The following PDZRN4 variants were observed in gnomAD, a reference collection of about 807,000 sequenced individuals.
The protein encoded by PDZRN4 is PDZ domain-containing RING finger protein 4.
In PDZRN4, 70 loss-of-function variants were observed where a neutral mutation model predicts 99.0. The ratio of observed to expected loss-of-function variants is 0.71; its 90% CI spans 0.58 to 0.86. The LOEUF is 0.86. PDZRN4 is among the 40% of genes least tolerant of loss of function. PDZRN4 has a pLI of 0.00. For synonymous variants in PDZRN4, 551 were observed against 501.6 expected, an observed-to-expected ratio of 1.10 and a Z score of -1.32; for missense variants, 1,474 against 1,331.2, an observed-to-expected ratio of 1.11 and a Z score of -1.67.
At chr12:41,306,059 A>G (rs1951567356) in intron 3 of PDZRN4, among the ~76,000 whole-genome samples, 1 of 152,188 alleles carries the variant, frequency 6.6e-6, no homozygotes, top group Non-Finnish European at 1.5e-5. Flanking sequence ...AAAAGGAAGA[A>G]TGGGTCCCAG....
chr12:41,256,139 T>G (rs1255655407), intron 3 of PDZRN4, among the ~76,000 whole-genome samples: 4 of 152,196 alleles, frequency 2.6e-5, no homozygotes, highest in Admixed American at 1.3e-4. Context: ...AAGGATAATT[T>G]TCAAAATAAA....
chr12:41,252,352 A>G (rs1350106535), intron 3 of PDZRN4, among the ~76,000 whole-genome samples: 1 of 152,186 alleles, frequency 6.6e-6, no homozygotes, highest in African/African-American at 2.4e-5. Flanking sequence ...AGTACTACTC[A>G]ACAACAAAAT....
At chr12:41,386,434 A>G (rs1324999442) in intron 3 of PDZRN4, among the ~76,000 whole-genome samples, 2 of 152,192 alleles carry the variant, frequency 1.3e-5, no homozygotes, top group African/African-American at 2.4e-5. Context: ...AAAGATCTCT[A>G]CAATGAGAAC....
intron 3 of PDZRN4, among the ~76,000 whole-genome samples, chr12:41,330,148 C>T (rs1427229416): frequency 6.6e-6 from 1 of 151,980 alleles, no homozygotes; most frequent in African/African-American, 2.4e-5. Context: ...TTTTATGCTT[C>T]CAAAATTAGC....
chr12:41,376,740 CACTT>C (rs1312644873), intron 3 of PDZRN4, among the ~76,000 whole-genome samples: 2 of 151,750 alleles, frequency 1.3e-5, no homozygotes, highest in African/African-American at 4.8e-5. Context: ...TGATATCGTC[CACTT>C]ACTTACTTTT....
At chr12:41,394,488 AG>A (rs776488091) in intron 3 of PDZRN4, among the ~76,000 whole-genome samples, 2 of 152,214 alleles carry the variant, frequency 1.3e-5, no homozygotes, top group Non-Finnish European at 2.9e-5. Flanking sequence ...AAAAGGTAGC[AG>A]CTTAAAACAC....
At chr12:41,215,344 T>G (rs748687121) in intron 3 of PDZRN4, among the ~76,000 whole-genome samples, 1 of 152,010 alleles carries the variant, frequency 6.6e-6, no homozygotes, top group African/African-American at 2.4e-5. Context: ...TTGAGGTACT[T>G]GTTAAAAACG....
At chr12:41,523,662 G>T (rs1166735195) in intron 5 of PDZRN4, among the ~76,000 whole-genome samples, 1 of 152,062 alleles carries the variant, frequency 6.6e-6, no homozygotes, top group Non-Finnish European at 1.5e-5. Context: ...AGAGAAGTAA[G>T]AAAATCTCAG....
At position 41,332,461 on chromosome 12, in the gene PDZRN4, G is replaced by A. The variant is rs11180833; in HGVS notation, c.843+138273G>A. Among the ~76,000 whole-genome samples the A allele has an allele frequency of 3.8e-3, 581 of 152,078 alleles. 18 individuals are homozygous for A. The East Asian group carries it at 0.09, about 24-fold the overall frequency. On this transcript the variant is annotated intron_variant, in intron 3 of 9. Transcript: ENST00000402685. ...GCAGAATGTTTTCTTTCCAGGTTTC[G>A]TGATGGTGCCTATTCTAATGATGAT...
chr12:41,238,772 A>T (rs1452541252), intron 3 of PDZRN4, among the ~76,000 whole-genome samples: 2 of 152,014 alleles, frequency 1.3e-5, no homozygotes, highest in East Asian at 1.9e-4. Flanking sequence ...AAAATAAAAA[A>T]CTCCGAAGTG....
Position 41,287,241 on chromosome 12 carries a change from T to C in PDZRN4, c.843+93053T>C, listed in dbSNP as rs1282677432. On this transcript the variant is annotated intron_variant, in intron 3 of 9. Coordinates refer to ENST00000402685, the MANE Select transcript of PDZRN4 (RefSeq NM_001164595.2). Reference sequence around the variant, plus strand: ...TCTAATCATGGTTCTGCTACAGCCATAGTCATGGTTCTGCTAGAGGCATAG... The same window carrying C: ...TCTAATCATGGTTCTGCTACAGCCACAGTCATGGTTCTGCTAGAGGCATAG... Among the ~76,000 whole-genome samples the C allele has an allele frequency of 2.0e-5, 3 of 152,206 alleles. No individual in the cohort carries two copies. In the East Asian group the frequency reaches 5.8e-4, roughly 29 times the overall value.
At chr12:41,264,295 A>G (rs1951262839) in intron 3 of PDZRN4, among the ~76,000 whole-genome samples, 1 of 152,244 alleles carries the variant, frequency 6.6e-6, no homozygotes, top group Non-Finnish European at 1.5e-5. Context: ...ACAATTTACA[A>G]AATTATGACA....
intron 5 of PDZRN4, among the ~76,000 whole-genome samples, chr12:41,531,871 C>T (rs916040434): frequency 3.9e-5 from 6 of 151,946 alleles, no homozygotes; most frequent in Non-Finnish European, 8.8e-5. Context: ...CACTATTTCC[C>T]GGTGTGTGAC....
At chr12:41,444,152 T>C (rs1174514646) in intron 3 of PDZRN4, among the ~76,000 whole-genome samples, 2 of 152,102 alleles carry the variant, frequency 1.3e-5, no homozygotes, top group Non-Finnish European at 2.9e-5. Flanking sequence ...TTTGAAAATA[T>C]GCTATGTGCT....
chr12:41,227,825 G>A (rs1951004045), intron 3 of PDZRN4, among the ~76,000 whole-genome samples: 1 of 148,148 alleles, frequency 6.8e-6, no homozygotes, highest in Non-Finnish European at 1.5e-5. Context: ...GCCAAAAGTA[G>A]AAATAGAAAG....
intron 3 of PDZRN4, among the ~76,000 whole-genome samples, chr12:41,270,762 T>C (rs1482820458): frequency 3.9e-5 from 6 of 152,156 alleles, no homozygotes; most frequent in Admixed American, 2.6e-4. Flanking sequence ...CAAAATTTAT[T>C]CATTCTTTTA....
intron 3 of PDZRN4, among the ~76,000 whole-genome samples, chr12:41,459,104 C>T (rs2405920): frequency 0.54 from 81,457 of 151,680 alleles, 22,662 homozygotes; most frequent in African/African-American, 0.7. Context: ...AGACAAATAC[C>T]GGCAGCTTTA....
At chr12:41,285,299 A>G (rs1398802880) in intron 3 of PDZRN4, among the ~76,000 whole-genome samples, 1 of 152,208 alleles carries the variant, frequency 6.6e-6, no homozygotes, top group Non-Finnish European at 1.5e-5. Flanking sequence ...TCAAAACCAC[A>G]ATGAGATACC....
At chr12:41,391,285 C>T (rs1952209888) in intron 3 of PDZRN4, among the ~76,000 whole-genome samples, 1 of 151,994 alleles carries the variant, frequency 6.6e-6, no homozygotes, top group African/African-American at 2.4e-5. Context: ...ACAAATCACC[C>T]CAGAGAGCCA....
Sources: gnomAD v4.1 joint callset for allele counts (sites outside exome capture counted in the v4.1 genomes callset) on GRCh38, gnomAD v4.1.1 for gene constraint, MANE v1.5 for transcripts, NCBI Gene and HGNC (gene_info 2026-07-23, HGNC 2026-07-21) for gene names.